The following DCAF6 variants were observed in gnomAD, a reference collection of about 807,000 sequenced individuals.
The protein encoded by DCAF6 is DDB1- and CUL4-associated factor 6.
A neutral mutation model predicts 125.1 loss-of-function variants in DCAF6; 54 were observed. The observed-to-expected ratio is 0.43, with a 90% CI of 0.35 to 0.54. DCAF6 has a LOEUF of 0.54. DCAF6 is among the 20% of genes least tolerant of loss of function. DCAF6 has a pLI of 0.01. For synonymous variants in DCAF6, 371 were observed against 390.4 expected (o/e 0.95, Z 0.58); for missense variants, 934 against 1,161.7 (o/e 0.80, Z 2.85).
intron 7 of DCAF6, among the ~76,000 whole-genome samples, chr1:167,994,426 T>C (rs1183418871): frequency 1.3e-5 from 2 of 152,174 alleles, no homozygotes; most frequent in Non-Finnish European, 2.9e-5. Context: ...TACCATTTAC[T>C]CTTCATATAT....
At chr1:168,010,376 T>C (rs1684121502) in intron 10 of DCAF6, among the ~76,000 whole-genome samples, 1 of 152,168 alleles carries the variant, frequency 6.6e-6, no homozygotes, top group Non-Finnish European at 1.5e-5. Context: ...ATGAATGCCC[T>C]GAAGAATGGT....
Position 168,015,827 on chromosome 1 carries a change from A to G in DCAF6, c.1425A>G (p.Gln475=). ...TAGCTTTGCTTCGTAAGCGCCTGCA[A>G]CAACTGAGGCTTAAGAAGGCTGAGC... The part of the protein sequence containing the change: ...PEIALLRKRL[Q]QLRLKKAEQQ... The change falls in exon 11 of 22, where the codon CAA becomes CAG. Residue 475 remains glutamine (Q), a synonymous_variant. Coordinates refer to ENST00000367840, the MANE Select transcript of DCAF6 (RefSeq NM_001198956.2). The G allele has an allele frequency of 6.5e-7, 1 of 1,535,034 alleles. No individual in the cohort carries two copies. The highest frequency in any genetic ancestry group is 8.8e-7 in the Non-Finnish European group (1 of 1,138,946).
the DCAF6 span, among the ~76,000 whole-genome samples, chr1:167,928,296 C>CGA: frequency 6.8e-6 from 1 of 147,486 alleles, no homozygotes; most frequent in African/African-American, 2.5e-5. Context: ...TGCAGTGAGC[C>CGA]GAGATCGCAC....
chr1:167,925,315 C>T, the DCAF6 span, among the ~76,000 whole-genome samples: 1 of 150,994 alleles, frequency 6.6e-6, no homozygotes, highest in African/African-American at 2.4e-5. Context: ...ACCCCTATTA[C>T]CTAATAGAAT....
chr1:168,002,696 C>T, intron 8 of DCAF6, 121 bp downstream of exon 8: 1 of 643,052 alleles, frequency 1.6e-6, no homozygotes, highest in Non-Finnish European at 2.5e-6. Context: ...TATAGGTATA[C>T]TTATGCAAAT....
At chr1:167,886,752 C>A in the DCAF6 span, among the ~76,000 whole-genome samples, 18 of 152,118 alleles carry the variant, frequency 1.2e-4, no homozygotes, top group African/African-American at 4.3e-4. Context: ...TCAGAGTGAA[C>A]AGGCATCCTA....
chr1:168,072,026 G>A (rs1282557977), intron 21 of DCAF6, among the ~76,000 whole-genome samples: 3 of 151,662 alleles, frequency 2.0e-5, no homozygotes, highest in Non-Finnish European at 4.4e-5. Flanking sequence ...CTGGTAGTGC[G>A]GTGGCTCATG....
intron 3 of DCAF6, among the ~76,000 whole-genome samples, chr1:167,971,719 C>G (rs937555925): frequency 3.3e-5 from 5 of 152,136 alleles, no homozygotes; most frequent in African/African-American, 1.2e-4. Context: ...TTATTTTCAT[C>G]TCAGATTAAG....
intron 1 of DCAF6, among the ~76,000 whole-genome samples, chr1:167,941,158 G>C (rs1477351833): frequency 6.6e-6 from 1 of 152,084 alleles, no homozygotes; most frequent in Non-Finnish European, 1.5e-5. Context: ...TGAAATATTT[G>C]TATTTTGTTT....
At chr1:167,909,574 A>T in the DCAF6 span, among the ~76,000 whole-genome samples, 1 of 152,024 alleles carries the variant, frequency 6.6e-6, no homozygotes, top group Admixed American at 6.6e-5. Context: ...TTCTTAGCTC[A>T]TCAGCTATCA....
At chr1:167,869,939 T>C in the DCAF6 span, among the ~76,000 whole-genome samples, 5 of 152,370 alleles carry the variant, frequency 3.3e-5, no homozygotes, top group Middle Eastern at 3.4e-3. Context: ...GTGTTTGTTC[T>C]GCAGACCAAA....
chr1:167,866,179 T>C, the DCAF6 span, among the ~76,000 whole-genome samples: 2 of 152,234 alleles, frequency 1.3e-5, no homozygotes, highest in Admixed American at 1.3e-4. Flanking sequence ...GTGGCACTTA[T>C]ACTTTAGTCC....
intron 21 of DCAF6, among the ~76,000 whole-genome samples, chr1:168,072,294 T>TA (rs59674650): frequency 0.013 from 543 of 41,000 alleles, 48 homozygotes; most frequent in Non-Finnish European, 0.019. Flanking sequence ...AGAATCAGTC[T>TA]AAAAAAAAAA....
the DCAF6 span, among the ~76,000 whole-genome samples, chr1:167,929,503 T>C: frequency 4.9e-3 from 754 of 152,340 alleles, 5 homozygotes; most frequent in African/African-American, 0.017. Flanking sequence ...TTTCATAGAA[T>C]TTGAGAAATT....
At chr1:167,978,137 C>T (rs1678535776) in intron 4 of DCAF6, among the ~76,000 whole-genome samples, 1 of 152,148 alleles carries the variant, frequency 6.6e-6, no homozygotes, top group South Asian at 2.1e-4. Flanking sequence ...GAATATACCA[C>T]AATTGATTTA....
At chr1:168,073,043 G>A (rs1030544976) in intron 21 of DCAF6, among the ~76,000 whole-genome samples, 1 of 152,148 alleles carries the variant, frequency 6.6e-6, no homozygotes, top group Non-Finnish European at 1.5e-5. Context: ...GGGTGTGGTG[G>A]CACGCTCCTG....
chr1:167,976,543 C>G (rs761550263), intron 4 of DCAF6, among the ~76,000 whole-genome samples: 7 of 152,138 alleles, frequency 4.6e-5, no homozygotes, highest in Non-Finnish European at 8.8e-5. Flanking sequence ...CATTGTGTTT[C>G]TGTTTCTTGC....
In DCAF6 at chr1:167,991,269, C is replaced by T; in HGVS notation, c.618C>T (p.Tyr206=). The T allele has an allele frequency of 6.2e-7, 1 of 1,613,426 alleles. No homozygotes were observed. The highest frequency in any genetic ancestry group is 8.5e-7 in the Non-Finnish European group (1 of 1,179,832). ...SVAICPPIPY[Y]LAVGCSDSSV... ...CTATTTGCCCACCAATACCATATTA[C>T]CTTGCTGTTGGTTGTTCTGACAGCT... The change falls in exon 6 of 22, where the codon TAC becomes TAT. Residue 206 remains tyrosine, a synonymous_variant. Coordinates refer to ENST00000367840, the MANE Select transcript of DCAF6 (RefSeq NM_001198956.2).
At chr1:168,049,672 T>TTTTTG (rs1689635520) in intron 16 of DCAF6, among the ~76,000 whole-genome samples, 1 of 139,846 alleles carries the variant, frequency 7.2e-6, no homozygotes, top group Non-Finnish European at 1.5e-5. Flanking sequence ...TTTTTTTTTT[T>TTTTTG]GGAGACGGAG....
Sources: allele counts gnomAD v4.1 joint callset (sites outside exome capture counted in the v4.1 genomes callset), GRCh38; gene constraint gnomAD v4.1.1; transcripts MANE v1.5; gene names NCBI Gene and HGNC (gene_info 2026-07-23, HGNC 2026-07-21).